Variants in CAST observed in about 807,000 individuals in gnomAD.
CAST encodes calpastatin.
A neutral mutation model predicts 119.6 loss-of-function variants in CAST; 76 were observed. That is an observed-to-expected ratio of 0.64 (90% CI 0.53 to 0.77). The LOEUF (loss-of-function observed/expected upper bound fraction) is 0.77, where lower values mean the gene tolerates loss of function less well. Ranked by LOEUF, CAST falls within the 30% of genes least tolerant of loss-of-function variation. CAST has a pLI of 0.00. For missense variants in CAST, 953 were observed against 946.5 expected, an observed-to-expected ratio of 1.01 and a Z score of -0.09; for synonymous variants, 319 against 331.6, an observed-to-expected ratio of 0.96 and a Z score of 0.41.
the CAST span, among the ~76,000 whole-genome samples, chr5:96,464,977 T>C: frequency 6.6e-6 from 1 of 152,182 alleles, no homozygotes; most frequent in African/African-American, 2.4e-5. Flanking sequence ...TTTGACTGCA[T>C]TGGATTTATA....
chr5:96,666,385 C>T (rs1475913671), intron 1 of CAST, among the ~76,000 whole-genome samples: 5 of 152,186 alleles, frequency 3.3e-5, no homozygotes, highest in Non-Finnish European at 4.4e-5. Flanking sequence ...ATTCCTGAAT[C>T]ATCAGTTGAT....
chr5:96,561,613 A>G (rs1194836149), intron 1 of CAST, among the ~76,000 whole-genome samples: 4 of 151,912 alleles, frequency 2.6e-5, no homozygotes, highest in South Asian at 2.1e-4. Flanking sequence ...CCTAATGTAG[A>G]TGATGGGTTG....
intron 1 of CAST, among the ~76,000 whole-genome samples, chr5:96,664,333 ATG>A (rs1202126163): frequency 1.3e-5 from 2 of 152,004 alleles, no homozygotes; most frequent in South Asian, 2.1e-4. Context: ...ATGTAAATAT[ATG>A]TGTGTGCATA....
chr5:96,035,150 T>C, the CAST span, among the ~76,000 whole-genome samples: 1 of 145,026 alleles, frequency 6.9e-6, no homozygotes, highest in South Asian at 2.1e-4. Context: ...ACTTATTTTA[T>C]ATATACTTCA....
At chr5:96,567,667 C>T (rs568972605) in intron 1 of CAST, among the ~76,000 whole-genome samples, 7 of 152,314 alleles carry the variant, frequency 4.6e-5, no homozygotes, top group African/African-American at 1.7e-4. Context: ...TGAGATCAGG[C>T]TTCCCGTTCT....
chr5:96,430,194 C>T, the CAST span, among the ~76,000 whole-genome samples: 46 of 152,136 alleles, frequency 3.0e-4, no homozygotes, highest in African/African-American at 8.7e-4. Flanking sequence ...TGTACTTCTC[C>T]GGGTATCTAT....
chr5:96,685,535 T>G (rs1229467382), intron 2 of CAST, among the ~76,000 whole-genome samples: 2 of 152,222 alleles, frequency 1.3e-5, no homozygotes, highest in African/African-American at 4.8e-5. Context: ...AATAGTTCAT[T>G]TGTGAGAGCA....
At chr5:96,752,877 A>G (rs1362951110) in intron 20 of CAST, among the ~76,000 whole-genome samples, 1 of 151,802 alleles carries the variant, frequency 6.6e-6, no homozygotes, top group Non-Finnish European at 1.5e-5. Flanking sequence ...TGGGAAATTC[A>G]TTGATATTGC....
At chr5:96,367,878 A>G in the CAST span, among the ~76,000 whole-genome samples, 1 of 151,988 alleles carries the variant, frequency 6.6e-6, no homozygotes, top group African/African-American at 2.4e-5. Context: ...CCAGTACCTC[A>G]GTTAGAAATG....
chr5:96,063,661 C>T, the CAST span, among the ~76,000 whole-genome samples: 27 of 152,222 alleles, frequency 1.8e-4, no homozygotes, highest in East Asian at 9.7e-4. Flanking sequence ...CTTCAGTATA[C>T]GATTCTGGTG....
chr5:96,325,331 T>C, the CAST span, among the ~76,000 whole-genome samples: 1 of 152,120 alleles, frequency 6.6e-6, no homozygotes, highest in Non-Finnish European at 1.5e-5. Context: ...AAATTTGGGA[T>C]GTAAAATCAG....
chr5:96,368,554 G>A, the CAST span, among the ~76,000 whole-genome samples: 2 of 151,258 alleles, frequency 1.3e-5, no homozygotes, highest in Non-Finnish European at 2.9e-5. Flanking sequence ...CTCCACATGT[G>A]TAAATCTCAG....
chr5:96,504,637 ACCATAAAAGTCAC>A, the CAST span, among the ~76,000 whole-genome samples: 3 of 152,082 alleles, frequency 2.0e-5, no homozygotes, highest in Non-Finnish European at 4.4e-5. Flanking sequence ...GTATAATATA[ACCATAAAAGTCAC>A]CCACTTGAAA....
chr5:96,474,105 A>T, the CAST span, among the ~76,000 whole-genome samples: 1 of 152,078 alleles, frequency 6.6e-6, no homozygotes, highest in African/African-American at 2.4e-5. Flanking sequence ...CATGTGGATC[A>T]GTTAGGGCTT....
intron 2 of CAST, among the ~76,000 whole-genome samples, chr5:96,680,388 A>G (rs1258511306): frequency 6.8e-6 from 1 of 146,614 alleles, no homozygotes; most frequent in Non-Finnish European, 1.5e-5. Flanking sequence ...AAGAAGAAGA[A>G]GAAAAGAAAA....
the CAST span, among the ~76,000 whole-genome samples, chr5:96,009,046 C>A: frequency 6.6e-6 from 1 of 152,082 alleles, no homozygotes; most frequent in African/African-American, 2.4e-5. Flanking sequence ...TTCCCACTTA[C>A]AAGTGAGAAC....
chr5:96,537,714 C>T (rs1297538768), intron 1 of CAST, among the ~76,000 whole-genome samples: 1 of 152,208 alleles, frequency 6.6e-6, no homozygotes, highest in African/African-American at 2.4e-5. Context: ...ACTTTCTCTT[C>T]CTTTGTTTTA....
intron 3 of CAST, among the ~76,000 whole-genome samples, chr5:96,696,686 TAAA>T (rs57199097): frequency 2.1e-5 from 2 of 97,178 alleles, no homozygotes; most frequent in African/African-American, 7.1e-5. Context: ...CTTTCTCTCC[TAAA>T]AAAAAAAAAA....
chr5:96,499,606 G>A, the CAST span, among the ~76,000 whole-genome samples: 1 of 152,162 alleles, frequency 6.6e-6, no homozygotes, highest in South Asian at 2.1e-4. Flanking sequence ...AGACAACAAC[G>A]AAGTTTGTCT....
Sources: allele counts gnomAD v4.1 joint callset (sites outside exome capture counted in the v4.1 genomes callset), GRCh38; gene constraint gnomAD v4.1.1; transcripts MANE v1.5; gene names NCBI Gene and HGNC (gene_info 2026-07-23, HGNC 2026-07-21).